EEFSEC: variants seen among roughly 807,000 people sequenced by gnomAD.
EEFSEC encodes selenocysteine-specific elongation factor.
EEFSEC carries 43 observed loss-of-function variants against 42.1 expected under a neutral mutation model. That is an observed-to-expected ratio of 1.02 (90% CI 0.80 to 1.32). The LOEUF (loss-of-function observed/expected upper bound fraction) is 1.32. EEFSEC is among the 40% of genes most tolerant of loss of function. EEFSEC has a pLI of 0.00. For synonymous variants in EEFSEC, 354 were observed against 339.1 expected (o/e 1.04, Z -0.48); for missense variants, 745 against 803.6 (o/e 0.93, Z 0.88).
chr3:128,235,139 A>G (rs2065995090), intron 1 of EEFSEC, among the ~76,000 whole-genome samples: 3 of 151,972 alleles, frequency 2.0e-5, no homozygotes, highest in Admixed American at 2.0e-4. Context: ...ATCTTGGCTC[A>G]CTGCAACCTC....
chr3:128,402,239 C>G (rs543300990), intron 6 of EEFSEC, among the ~76,000 whole-genome samples: 87 of 152,352 alleles, frequency 5.7e-4, no homozygotes, highest in African/African-American at 2.0e-3. Flanking sequence ...GACAGTCTTC[C>G]GGTCTCTTTT....
intron 4 of EEFSEC, among the ~76,000 whole-genome samples, chr3:128,278,025 T>C (rs1443529565): frequency 6.6e-6 from 1 of 151,872 alleles, no homozygotes; most frequent in Non-Finnish European, 1.5e-5. Flanking sequence ...GGGTGAGAGG[T>C]GCTGTAGAGG....
chr3:128,420,036 A>T, the EEFSEC span, among the ~76,000 whole-genome samples: 2 of 152,206 alleles, frequency 1.3e-5, no homozygotes, highest in African/African-American at 4.8e-5. Flanking sequence ...AGAGACAGAG[A>T]CAGTGAGAGG....
At chr3:128,286,806 T>C (rs1475691102) in intron 4 of EEFSEC, among the ~76,000 whole-genome samples, 1 of 152,244 alleles carries the variant, frequency 6.6e-6, no homozygotes, top group Non-Finnish European at 1.5e-5. Flanking sequence ...GAAATGTATA[T>C]ATAGCAACCC....
At chr3:128,373,617 C>G (rs562855733) in intron 6 of EEFSEC, among the ~76,000 whole-genome samples, 3 of 152,230 alleles carry the variant, frequency 2.0e-5, no homozygotes, top group African/African-American at 4.8e-5. Context: ...ATTTAGTGCT[C>G]GAAGGTTGGG....
At position 128,280,458 on chromosome 3, in the gene EEFSEC, G is replaced by A. The variant is rs549869202; in HGVS notation, c.786+15677G>A. ...CACTCGGCTTTGGCCTGGAAAGTCC[G>A]TTCTCTGCTGGGGAGGCCTCTGTGT... On this transcript the variant is annotated intron_variant, in intron 4 of 6. Transcript: ENST00000254730. 5.3e-5 allele frequency among the ~76,000 whole-genome samples: 8 copies of A among 152,342 alleles called. No individual in the cohort carries two copies. The East Asian group carries it at 1.3e-3, about 26-fold the overall frequency.
At chr3:128,413,558 C>T (rs1227894352), downstream of EEFSEC, among the ~76,000 whole-genome samples, 1 of 152,190 alleles carries the variant, frequency 6.6e-6, no homozygotes, top group Admixed American at 6.5e-5. Context: ...GGTCACATGG[C>T]CACACCCCTG....
chr3:128,328,758 GC>G (rs1018157284), intron 4 of EEFSEC, among the ~76,000 whole-genome samples: 5 of 152,184 alleles, frequency 3.3e-5, no homozygotes, highest in African/African-American at 4.8e-5. Context: ...GTCCACTGAG[GC>G]CCCACAGCAC....
rs150752030 is a variant in EEFSEC at position 128,389,959 on chromosome 3, G to A, written c.1601-18110G>A. ...TTGCAGGGGTGGCTGAGTTGGCAGC[G>A]CCCGTAAGATGCTGTGGATTTGGAT... is the stretch of plus-strand genomic sequence containing the variant. On this transcript the variant is annotated intron_variant, in intron 6 of 6. Coordinates refer to ENST00000254730, the MANE Select transcript of EEFSEC (RefSeq NM_021937.5). Among the ~76,000 whole-genome samples, 538 of 152,346 alleles carry A rather than the reference G, an allele frequency of 3.5e-3. 1 individual carries two copies. The highest frequency in any genetic ancestry group is 0.012 in the African/African-American group (490 of 41,572).
intron 1 of EEFSEC, among the ~76,000 whole-genome samples, chr3:128,201,916 G>A (rs1041896451): frequency 1.6e-4 from 24 of 152,132 alleles, no homozygotes; most frequent in African/African-American, 5.3e-4. Context: ...ATTTTTTTCC[G>A]TATGGCTATT....
chr3:128,239,524 C>T (rs1193269897), intron 1 of EEFSEC, among the ~76,000 whole-genome samples: 1 of 152,166 alleles, frequency 6.6e-6, no homozygotes, highest in Non-Finnish European at 1.5e-5. Flanking sequence ...GATGCTTACC[C>T]TCTGCCCCCG....
In EEFSEC at chr3:128,309,501, G is replaced by A. The variant is rs1384003325; in HGVS notation, c.787-31732G>A. Reference sequence around the variant, plus strand: ...CATGTACATAACCAGTGTACCCAATGAGTAGGACCTAAGCCTTTATTTTCA... The same window carrying A: ...CATGTACATAACCAGTGTACCCAATAAGTAGGACCTAAGCCTTTATTTTCA... On this transcript the variant is annotated intron_variant, in intron 4 of 6. Coordinates refer to ENST00000254730, the MANE Select transcript of EEFSEC (RefSeq NM_021937.5). Among the ~76,000 whole-genome samples, 11 of 152,316 alleles carry A rather than the reference G, an allele frequency of 7.2e-5. No homozygotes were observed. In the South Asian group the frequency reaches 2.3e-3, roughly 32 times the overall value.
At chr3:128,376,793 C>T (rs1415218140) in intron 6 of EEFSEC, among the ~76,000 whole-genome samples, 1 of 152,164 alleles carries the variant, frequency 6.6e-6, no homozygotes, top group Non-Finnish European at 1.5e-5. Context: ...GCAGAGTCAG[C>T]AGTGTCTCAT....
intron 4 of EEFSEC, among the ~76,000 whole-genome samples, chr3:128,313,636 T>G (rs2066913793): frequency 6.6e-6 from 1 of 152,224 alleles, no homozygotes. Flanking sequence ...AGTCAGGCTC[T>G]TGGCATCTCC....
At chr3:128,193,670 G>A (rs776106649) in intron 1 of EEFSEC, among the ~76,000 whole-genome samples, 3 of 152,120 alleles carry the variant, frequency 2.0e-5, no homozygotes, top group Non-Finnish European at 4.4e-5. Context: ...ACCCTGTAAG[G>A]ACCACATCAT....
rs563435425 is a variant in EEFSEC at position 128,408,524 on chromosome 3, C to T, written c.*265C>T. Reference sequence around the variant, plus strand: ...CTAGGAAAGGGCCATGGGCAGAGGGCTGGTAGCCAGTATCTTCCACTGCCC... The same window carrying T: ...CTAGGAAAGGGCCATGGGCAGAGGGTTGGTAGCCAGTATCTTCCACTGCCC... On this transcript the variant is annotated 3_prime_UTR_variant, in exon 7 of 7. Transcript: ENST00000254730. 7.6e-4 allele frequency: 280 copies of T among 369,730 alleles called. No individual in the cohort carries two copies. Among genetic ancestry groups the T allele is most frequent in the African/African-American group, 5.2e-3 (251 of 48,038 alleles). 22.9% of individuals were successfully genotyped at this position (369,730 alleles called of 1,614,324 possible).
At chr3:128,268,427 T>G (rs930856816) in intron 4 of EEFSEC, among the ~76,000 whole-genome samples, 1 of 152,090 alleles carries the variant, frequency 6.6e-6, no homozygotes, top group Non-Finnish European at 1.5e-5. Context: ...GGTGAATGTA[T>G]TTTGCATGTG....
the EEFSEC span, among the ~76,000 whole-genome samples, chr3:128,418,399 G>A: frequency 3.9e-5 from 6 of 151,990 alleles, no homozygotes; most frequent in African/African-American, 7.2e-5. Flanking sequence ...GGCTCTGCCC[G>A]ACTCCTCTCC....
chr3:128,213,904 A>G (rs1157326970), intron 1 of EEFSEC, among the ~76,000 whole-genome samples: 1 of 152,182 alleles, frequency 6.6e-6, no homozygotes, highest in Non-Finnish European at 1.5e-5. Context: ...CAAAAGAACT[A>G]ACCTCCCTGC....
Sources: allele counts gnomAD v4.1 joint callset (sites outside exome capture counted in the v4.1 genomes callset), GRCh38; gene constraint gnomAD v4.1.1; transcripts MANE v1.5; gene names NCBI Gene and HGNC (gene_info 2026-07-23, HGNC 2026-07-21).